IDE: variants seen among roughly 807,000 people sequenced by gnomAD.
The protein encoded by IDE is insulin degrading enzyme.
Under a neutral mutation model 133.2 loss-of-function variants are expected in IDE, and 58 were observed. The ratio of observed to expected loss-of-function variants is 0.44; its 90% CI spans 0.35 to 0.54. The LOEUF is 0.54. IDE is among the 20% of genes least tolerant of loss of function. The pLI is 0.00. For missense variants in IDE, 981 were observed against 1,234.0 expected, an observed-to-expected ratio of 0.79 and a Z score of 3.07; for synonymous variants, 396 against 421.3, an observed-to-expected ratio of 0.94 and a Z score of 0.73.
At chr10:92,494,214 A>G (rs1414746905) in intron 11 of IDE, among the ~76,000 whole-genome samples, 1 of 140,874 alleles carries the variant, frequency 7.1e-6, no homozygotes, top group African/African-American at 2.6e-5. Flanking sequence ...GGCATATACC[A>G]CCATACCCAG....
chr10:92,527,215 T>C (rs1401474838), intron 4 of IDE, among the ~76,000 whole-genome samples: 2 of 152,190 alleles, frequency 1.3e-5, no homozygotes, highest in African/African-American at 4.8e-5. Flanking sequence ...AAGAAAGAAC[T>C]ATATTTTTTT....
In IDE at chr10:92,509,051, C is replaced by T. The variant is rs187987544; in HGVS notation, c.898-161G>A. The stretch of plus-strand genomic sequence containing the variant: ...GACCACAAAGAAATAAATGACTCAG[C>T]ACTCTCCTAGTGGAATTTCATTACA... On this transcript the variant is annotated intron_variant, in intron 6 of 24. Transcript: ENST00000265986. Among the ~76,000 whole-genome samples, 15 of 152,290 alleles carry T rather than the reference C, an allele frequency of 9.8e-5. No individual in the cohort carries two copies. The East Asian group carries it at 2.9e-3, about 29-fold the overall frequency.
intron 1 of IDE, among the ~76,000 whole-genome samples, chr10:92,555,583 A>G (rs1027309623): frequency 6.6e-6 from 1 of 152,058 alleles, no homozygotes; most frequent in African/African-American, 2.4e-5. Flanking sequence ...TATTTGCACT[A>G]TATTGTACAA....
chr10:92,483,007 C>T (rs1268618239), intron 14 of IDE, among the ~76,000 whole-genome samples: 2 of 152,038 alleles, frequency 1.3e-5, no homozygotes, highest in Non-Finnish European at 2.9e-5. Context: ...GTCTCACTCT[C>T]CTGACCTCAT....
chr10:92,524,370 A>AATATATTTTATATAT (rs1849427493), intron 4 of IDE, among the ~76,000 whole-genome samples: 5 of 42,292 alleles, frequency 1.2e-4, no homozygotes, highest in African/African-American at 4.5e-4. Context: ...ATATTATAAT[A>AATATATTTTATATAT]TATATTATAT....
At chr10:92,459,228 T>C (rs1845221663) in intron 22 of IDE, among the ~76,000 whole-genome samples, 1 of 152,188 alleles carries the variant, frequency 6.6e-6, no homozygotes, top group Non-Finnish European at 1.5e-5. Flanking sequence ...AAAATCACCA[T>C]TTTCCTCAAA....
chr10:92,571,460 C>A (rs1466351170), intron 1 of IDE, among the ~76,000 whole-genome samples: 9 of 152,282 alleles, frequency 5.9e-5, no homozygotes, highest in Non-Finnish European at 1.2e-4. Context: ...AACTGACATA[C>A]CACTGTTTCC....
At chr10:92,565,745 T>C (rs1589554873) in intron 1 of IDE, among the ~76,000 whole-genome samples, 1 of 152,148 alleles carries the variant, frequency 6.6e-6, no homozygotes, top group African/African-American at 2.4e-5. Flanking sequence ...CCTGCAGATC[T>C]CCCCTTGGCT....
intron 4 of IDE, among the ~76,000 whole-genome samples, chr10:92,528,746 T>C (rs577864576): frequency 2.0e-5 from 3 of 152,274 alleles, no homozygotes; most frequent in Admixed American, 1.3e-4. Context: ...CATTCAAAAA[T>C]ACACACCTTT....
At chr10:92,456,615 G>T (rs1051849765) in intron 22 of IDE, among the ~76,000 whole-genome samples, 184 bp from the exon 23 acceptor site, 1 of 152,046 alleles carries the variant, frequency 6.6e-6, no homozygotes, top group African/African-American at 2.4e-5. Flanking sequence ...GAGGCAGGTG[G>T]ATCACTTGAG....
rs1847875824 is a variant in IDE, at chr10:92,499,135, G to A, written c.1430+5659C>T. On this transcript the variant is annotated intron_variant, in intron 11 of 24. Transcript: ENST00000265986. ...ATTTTAATGATGTAAGTAAATGCATGTATCACTTAAGAGCGGTTTTTAATA... is the reference window on the plus strand; with the variant it reads ...ATTTTAATGATGTAAGTAAATGCATATATCACTTAAGAGCGGTTTTTAATA... 2.0e-5 allele frequency among the ~76,000 whole-genome samples: 3 copies of A among 151,998 alleles called. No individual in the cohort carries two copies. The South Asian group carries it at 6.2e-4, about 31-fold the overall frequency.
intron 11 of IDE, among the ~76,000 whole-genome samples, chr10:92,504,177 T>C (rs1431300417): frequency 6.6e-6 from 1 of 152,178 alleles, no homozygotes; most frequent in Non-Finnish European, 1.5e-5. Context: ...AAACATGTCA[T>C]TCAATTATAT....
At chr10:92,478,864 G>C (rs1244300950) in intron 15 of IDE, 1 of 744,160 alleles carries the variant, frequency 1.3e-6, no homozygotes, top group African/African-American at 1.9e-5. Context: ...CATGACCGAA[G>C]AGTATGGATA....
At chr10:92,515,844 G>GCCA (rs1283350417) in intron 4 of IDE, among the ~76,000 whole-genome samples, 1 of 148,220 alleles carries the variant, frequency 6.7e-6, no homozygotes, top group African/African-American at 2.5e-5. Context: ...ACAGGCCTGA[G>GCCA]CCACCAAGCC....
At chr10:92,527,126 A>G (rs1453185259) in intron 4 of IDE, among the ~76,000 whole-genome samples, 2 of 152,262 alleles carry the variant, frequency 1.3e-5, no homozygotes, top group Non-Finnish European at 2.9e-5. Context: ...AAATTCTCAT[A>G]TATTTTCTTT....
chr10:92,491,754 G>A (rs1020344621), intron 11 of IDE, among the ~76,000 whole-genome samples: 1 of 152,016 alleles, frequency 6.6e-6, no homozygotes, highest in African/African-American at 2.4e-5. Context: ...GGGATTACAG[G>A]TGCCTACCAC....
chr10:92,511,085 A>T (rs1196485207), intron 5 of IDE, among the ~76,000 whole-genome samples: 2 of 54,930 alleles, frequency 3.6e-5, no homozygotes, highest in African/African-American at 6.2e-5. Flanking sequence ...AAGCAGTGTT[A>T]AAAAAAAAAA....
intron 15 of IDE, among the ~76,000 whole-genome samples, chr10:92,477,585 T>C (rs912997517): frequency 2.6e-5 from 4 of 152,188 alleles, no homozygotes; most frequent in Admixed American, 2.0e-4. Flanking sequence ...AGCTAGAATA[T>C]CATGAAAGTC....
intron 11 of IDE, among the ~76,000 whole-genome samples, chr10:92,492,330 G>A (rs986140171): frequency 1.3e-5 from 2 of 151,982 alleles, no homozygotes; most frequent in African/African-American, 4.8e-5. Flanking sequence ...AAAGATAAGT[G>A]AACAAAAAAT....
Sources: gnomAD v4.1 joint callset for allele counts (sites outside exome capture counted in the v4.1 genomes callset) on GRCh38, gnomAD v4.1.1 for gene constraint, MANE v1.5 for transcripts, NCBI Gene and HGNC (gene_info 2026-07-23, HGNC 2026-07-21) for gene names.